Variants in RAP2C observed in about 807,000 individuals in gnomAD.
The protein encoded by RAP2C is RAP2C, member of RAS oncogene family.
A neutral mutation model predicts 8.9 loss-of-function variants in RAP2C; 3 were observed. That is an observed-to-expected ratio of 0.34 (90% CI 0.15 to 0.87). The LOEUF is 0.87. Ranked by LOEUF, RAP2C falls within the 40% of genes least tolerant of loss-of-function variation. The pLI is 0.51. For missense variants in RAP2C, 76 were observed against 133.7 expected (o/e 0.57, Z 2.13); for synonymous variants, 60 against 52.1 (o/e 1.15, Z -0.65).
chrX:132,207,180 A>G (rs1930298626), intron 5 of RAP2C, among the ~76,000 whole-genome samples: 2 of 111,965 alleles, frequency 1.8e-5, no homozygotes, highest in African/African-American at 6.5e-5. Flanking sequence ...ACTTCCTTCA[A>G]TTAGTTTGAA....
rs199883961 is a variant in RAP2C, at chrX:132,209,043, TA to T, written c.*35-3457del. On this transcript the variant is annotated intron_variant, in intron 5 of 5. Coordinates refer to ENST00000370874, the MANE Select transcript of RAP2C (RefSeq NM_001271186.2). ...TTTTGTTTCTCTATCCTAATGTGCA[TA>T]ATACTCATGAAGCTTACTAGGGTTG... Among the ~76,000 whole-genome samples, 660 of 111,488 alleles carry T rather than the reference TA, an allele frequency of 5.9e-3. 6 individuals are homozygous for T. Among genetic ancestry groups the T allele is most frequent in the African/African-American group, 0.021 (636 of 30,633 alleles).
At chrX:132,212,054 A>C in intron 5 of RAP2C, among the ~76,000 whole-genome samples, 1 of 110,504 alleles carries the variant, frequency 9.0e-6, no homozygotes, top group Non-Finnish European at 1.9e-5. Flanking sequence ...AGAAAAAAAA[A>C]AAACCTGCAT....
intron 4 of RAP2C, among the ~76,000 whole-genome samples, chrX:132,216,328 A>G (rs1465344138): frequency 2.7e-5 from 3 of 111,769 alleles, no homozygotes; most frequent in African/African-American, 3.3e-5. Flanking sequence ...AACAATTTGG[A>G]TCAACTGCAG....
intron 1 of RAP2C, chrX:132,218,642 G>A (rs755509615): frequency 8.9e-6 from 1 of 112,070 alleles, no homozygotes; most frequent in African/African-American, 3.2e-5. Flanking sequence ...CAGATGCAGT[G>A]CGTTTTACTT....
chrX:132,219,346 T>C (rs1157243707), intron 1 of RAP2C, 24 bp downstream of exon 1: 1 of 112,338 alleles, frequency 8.9e-6, no homozygotes, highest in Non-Finnish European at 1.9e-5. Flanking sequence ...TGTCCCTCCC[T>C]GAGTATTCCC....
intron 5 of RAP2C, among the ~76,000 whole-genome samples, chrX:132,213,590 A>G (rs1002117733): frequency 8.9e-6 from 1 of 111,955 alleles, no homozygotes; most frequent in Non-Finnish European, 1.9e-5. Context: ...CTGTGGCACT[A>G]TAATTTGTTA....
intron 5 of RAP2C, among the ~76,000 whole-genome samples, chrX:132,211,789 A>C (rs1930436317): frequency 1.8e-5 from 2 of 112,082 alleles, no homozygotes; most frequent in African/African-American, 6.5e-5. Flanking sequence ...ATTATTTCTA[A>C]CTTGGACAAG....
chrX:132,213,440 T>G (rs1930486271), intron 5 of RAP2C, among the ~76,000 whole-genome samples: 1 of 111,593 alleles, frequency 9.0e-6, no homozygotes, highest in South Asian at 3.8e-4. Flanking sequence ...GCCTGAAGGT[T>G]TGTTACTGTT....
intron 5 of RAP2C, among the ~76,000 whole-genome samples, chrX:132,213,469 T>C (rs966205732): frequency 1.8e-5 from 2 of 111,758 alleles, no homozygotes; most frequent in Admixed American, 1.9e-4. Flanking sequence ...TCTCATAATT[T>C]ATTAAATTGA....
intron 5 of RAP2C, among the ~76,000 whole-genome samples, chrX:132,207,864 C>G (rs1356672568): frequency 9.0e-6 from 1 of 111,632 alleles, no homozygotes; most frequent in African/African-American, 3.3e-5. Flanking sequence ...AGATAGAACA[C>G]AAGTTATCCT....
At chrX:132,219,004 ACT>A (rs1391675712) in intron 1 of RAP2C, among the ~76,000 whole-genome samples, 1 of 112,350 alleles carries the variant, frequency 8.9e-6, no homozygotes, top group African/African-American at 3.2e-5. Flanking sequence ...GCAAGTAGTA[ACT>A]CTGGTGTTAG....
At chrX:132,215,888 T>TA (rs1170384218) in intron 4 of RAP2C, among the ~76,000 whole-genome samples, 50 of 105,139 alleles carry the variant, frequency 4.8e-4, no homozygotes, top group East Asian at 8.7e-4. Context: ...TTTATCATCT[T>TA]AAAAAAAAAA....
chrX:132,213,717 T>G (rs116679146), intron 5 of RAP2C, among the ~76,000 whole-genome samples: 17 of 112,111 alleles, frequency 1.5e-4, no homozygotes, highest in African/African-American at 5.5e-4. Context: ...TTGCAGCAAT[T>G]TGCTTGCTCA....
chrX:132,205,893 T>C (rs1930260394), intron 5 of RAP2C, among the ~76,000 whole-genome samples: 1 of 111,735 alleles, frequency 8.9e-6, no homozygotes, highest in African/African-American at 3.3e-5. Flanking sequence ...AAAATGTCCT[T>C]ACTGGTTTAA....
intron 5 of RAP2C, among the ~76,000 whole-genome samples, chrX:132,211,561 A>G (rs1362926623): frequency 3.6e-5 from 4 of 111,674 alleles, no homozygotes; most frequent in East Asian, 2.8e-4. Flanking sequence ...AACTTACACT[A>G]AAGTTACTGC....
In RAP2C at chrX:132,203,490, A is replaced by G. The variant is rs1198090598; in HGVS notation, c.*2132T>C. 4.1e-5 allele frequency: 4 copies of G among 97,233 alleles called. No individual in the cohort carries two copies. Among genetic ancestry groups the G allele is most frequent in the African/African-American group, 1.5e-4 (4 of 26,727 alleles). The allele number at this position is 97,233 out of a possible 1,213,427, so 8.0% of individuals were successfully genotyped here. ...AAATTTGCTGCTGAGGTCAATGACA[A>G]TGAACACTGTAATTTTGAGAGAGAG... On this transcript the variant is annotated 3_prime_UTR_variant, in exon 6 of 6. Transcript: ENST00000370874.
chrX:132,208,133 A>G, intron 5 of RAP2C, among the ~76,000 whole-genome samples: 1 of 111,573 alleles, frequency 9.0e-6, no homozygotes, highest in Middle Eastern at 4.6e-3. Context: ...AGGAACAAAG[A>G]TCATTATTTA....
intron 4 of RAP2C, among the ~76,000 whole-genome samples, chrX:132,215,666 C>A (rs770146127): frequency 1.8e-5 from 2 of 111,304 alleles, no homozygotes; most frequent in Non-Finnish European, 3.8e-5. Flanking sequence ...TATGAAACAC[C>A]CTTCAAAAGA....
intron 5 of RAP2C, among the ~76,000 whole-genome samples, chrX:132,211,614 G>A (rs60466594): frequency 2.7e-5 from 3 of 111,739 alleles, no homozygotes; most frequent in South Asian, 3.7e-4. Flanking sequence ...TGGGAGCCAC[G>A]CAGATAAACA....
Sources: gnomAD v4.1 joint callset for allele counts (sites outside exome capture counted in the v4.1 genomes callset) on GRCh38, gnomAD v4.1.1 for gene constraint, MANE v1.5 for transcripts, NCBI Gene and HGNC (gene_info 2026-07-23, HGNC 2026-07-21) for gene names.